The following LRRC53 variants were observed in gnomAD, a reference collection of about 807,000 sequenced individuals.
The protein encoded by LRRC53 is leucine rich repeat containing 53.
LRRC53 carries 25 observed loss-of-function variants against 13.6 expected under a neutral mutation model. The observed-to-expected ratio is 1.83, with a 90% CI of 1.34 to 2.56. The LOEUF (loss-of-function observed/expected upper bound fraction) is 2.56, where lower values mean the gene tolerates loss of function less well. Ranked by LOEUF, LRRC53 falls within the 30% of genes most tolerant of loss-of-function variation. The pLI, the probability that LRRC53 is intolerant of heterozygous loss-of-function variation, is 0.00. For missense variants in LRRC53, 527 were observed against 275.8 expected (o/e 1.91, Z -6.45); for synonymous variants, 204 against 109.8 (o/e 1.86, Z -5.37).
At chr1:74,491,073 GGAATA>G (rs1669047937) in intron 1 of LRRC53, among the ~76,000 whole-genome samples, 1 of 152,084 alleles carries the variant, frequency 6.6e-6, no homozygotes, top group South Asian at 2.1e-4. Flanking sequence ...GCCTTTTAAA[GGAATA>G]ATTAAAACTG....
intron 3 of LRRC53, among the ~76,000 whole-genome samples, chr1:74,476,479 CT>C (rs1557592000): frequency 6.6e-5 from 10 of 152,146 alleles, no homozygotes; most frequent in Admixed American, 5.9e-4. Context: ...TCTGCTACAA[CT>C]GAGCACTGTG....
chr1:74,517,705 G>A, the LRRC53 span, among the ~76,000 whole-genome samples: 1 of 152,156 alleles, frequency 6.6e-6, no homozygotes, highest in Non-Finnish European at 1.5e-5. Flanking sequence ...TAAAGAGTAC[G>A]ACTGGTAAAC....
chr1:74,529,065 A>C, the LRRC53 span, among the ~76,000 whole-genome samples: 1 of 152,234 alleles, frequency 6.6e-6, no homozygotes, highest in Non-Finnish European at 1.5e-5. Flanking sequence ...ATAATATTGT[A>C]ACTATAAGTT....
At chr1:74,473,282 G>A (rs977243935) in intron 4 of LRRC53, among the ~76,000 whole-genome samples, 34 of 151,796 alleles carry the variant, frequency 2.2e-4, no homozygotes, top group African/African-American at 7.0e-4. Flanking sequence ...ATGCTTTCCC[G>A]TAGTCACACA....
Position 74,512,556 on chromosome 1 carries a change from T to A in LRRC53, c.-57A>T, listed in dbSNP as rs1429180779. 6.6e-6 allele frequency: 1 copy of A among 152,218 alleles called. No individual in the cohort carries two copies. The highest frequency in any genetic ancestry group is 2.4e-5 in the African/African-American group (1 of 41,462). The allele number at this position is 152,218 out of a possible 1,614,324, so 9.4% of individuals were successfully genotyped here. On this transcript the variant is annotated 5_prime_UTR_variant, in exon 1 of 5. Coordinates refer to ENST00000294635, the MANE Select transcript of LRRC53 (RefSeq NM_001382280.1). Reference sequence around the variant, plus strand: ...GGTCTCACAGCTTGTAGTTTGTGAATCTCTACATTAAAAGGTGGATGATGA... The same window carrying A: ...GGTCTCACAGCTTGTAGTTTGTGAAACTCTACATTAAAAGGTGGATGATGA...
chr1:74,535,419 G>A, the LRRC53 span, among the ~76,000 whole-genome samples: 8 of 152,084 alleles, frequency 5.3e-5, no homozygotes, highest in Admixed American at 5.2e-4. Flanking sequence ...GCAGTGAGCC[G>A]AGATTGCATC....
At chr1:74,518,718 G>A in the LRRC53 span, among the ~76,000 whole-genome samples, 17 of 151,938 alleles carry the variant, frequency 1.1e-4, no homozygotes, top group Non-Finnish European at 1.9e-4. Flanking sequence ...TTAGTGTTTT[G>A]AACACATATT....
chr1:74,480,556 A>G lies in LRRC53; in HGVS notation c.501T>C (p.Asn167=). The G allele has an allele frequency of 1.4e-6, 1 of 717,394 alleles. No individual in the cohort carries two copies. The highest frequency in any genetic ancestry group is 2.6e-6 in the Non-Finnish European group (1 of 385,090). The allele number at this position is 717,394 out of a possible 1,614,324, so 44.4% of individuals were successfully genotyped here. A position where few individuals can be genotyped will look rare whatever the true frequency, so the allele number is the denominator to read the frequency against. ...CATCTTTCCCAATGTAGGAAATAAAATTGTTGGATAAATCCAGATACCTGA... is the reference window on the plus strand; with the variant it reads ...CATCTTTCCCAATGTAGGAAATAAAGTTGTTGGATAAATCCAGATACCTGA... ...HSLRYLDLSN[N]FISYIGKDAF... Residue 167 remains asparagine (N), a synonymous_variant, in exon 3 of 5, where the codon AAT becomes AAC. Coordinates refer to ENST00000294635, the MANE Select transcript of LRRC53 (RefSeq NM_001382280.1).
At chr1:74,508,690 G>A (rs980390238) in intron 1 of LRRC53, among the ~76,000 whole-genome samples, 11 of 152,264 alleles carry the variant, frequency 7.2e-5, no homozygotes, top group South Asian at 6.2e-4. Context: ...AGCCCAACCC[G>A]GGGCATATGT....
At position 74,485,909 on chromosome 1, in the gene LRRC53, C is replaced by T. The variant is rs1668734489; in HGVS notation, c.-26-2534G>A. Among the ~76,000 whole-genome samples the T allele has an allele frequency of 3.3e-5, 5 of 152,200 alleles. No individual in the cohort carries two copies. In the East Asian group the frequency reaches 9.7e-4, roughly 29 times the overall value. On this transcript the variant is annotated intron_variant, in intron 1 of 4. Coordinates refer to ENST00000294635, the MANE Select transcript of LRRC53 (RefSeq NM_001382280.1). ...AACAACCAATGCGCTTAAAAGAGGC[C>T]TTGAGCCTCAGATGAGAATCACAGT...
intron 1 of LRRC53, among the ~76,000 whole-genome samples, chr1:74,485,590 T>C (rs1668716629): frequency 6.6e-6 from 1 of 152,174 alleles, no homozygotes; most frequent in African/African-American, 2.4e-5. Flanking sequence ...GTGAATATGA[T>C]GAGATATTAC....
At chr1:74,477,747 CA>C (rs1668276951) in intron 3 of LRRC53, among the ~76,000 whole-genome samples, 1 of 152,168 alleles carries the variant, frequency 6.6e-6, no homozygotes, top group Non-Finnish European at 1.5e-5. Flanking sequence ...GTGCAGAAAG[CA>C]AAAGCAGCAA....
At chr1:74,505,134 A>G (rs1669828857) in intron 1 of LRRC53, among the ~76,000 whole-genome samples, 1 of 152,202 alleles carries the variant, frequency 6.6e-6, no homozygotes, top group Non-Finnish European at 1.5e-5. Flanking sequence ...TAAGCACATC[A>G]AAGCACACAG....
At chr1:74,490,727 A>C (rs1201145845) in intron 1 of LRRC53, among the ~76,000 whole-genome samples, 1 of 152,196 alleles carries the variant, frequency 6.6e-6, no homozygotes, top group Non-Finnish European at 1.5e-5. Context: ...CAAGGCCAAG[A>C]GGGAGCTACT....
chr1:74,523,457 T>C, the LRRC53 span, among the ~76,000 whole-genome samples: 1 of 152,118 alleles, frequency 6.6e-6, no homozygotes, highest in African/African-American at 2.4e-5. Flanking sequence ...TTTAATTTTC[T>C]TTTGAAATGC....
intron 4 of LRRC53, among the ~76,000 whole-genome samples, chr1:74,474,816 A>T (rs1668110276): frequency 6.6e-6 from 1 of 152,002 alleles, no homozygotes; most frequent in Non-Finnish European, 1.5e-5. Context: ...CTCAGCAAGC[A>T]AAGTACGTTT....
the LRRC53 span, among the ~76,000 whole-genome samples, chr1:74,520,601 T>A: frequency 1.3e-5 from 2 of 151,858 alleles, no homozygotes; most frequent in African/African-American, 2.4e-5. Context: ...CCAAAATTTT[T>A]GTCTCACAAC....
Position 74,469,806 on chromosome 1 carries a change from G to T in LRRC53, c.*72C>A, listed in dbSNP as rs1667835239. On this transcript the variant is annotated 3_prime_UTR_variant, in exon 5 of 5. Transcript: ENST00000294635. ...TGATCCACTTCTAATGCATGCAAAG[G>T]CTAGTGGGTGTTTGTCCTCTTGAAG... The T allele has an allele frequency of 1.5e-5, 6 of 399,150 alleles. No individual in the cohort carries two copies. The East Asian group carries it at 2.1e-4, about 14-fold the overall frequency. 24.7% of individuals were successfully genotyped at this position (399,150 alleles called of 1,614,324 possible).
the LRRC53 span, among the ~76,000 whole-genome samples, chr1:74,531,117 G>A: frequency 6.6e-6 from 1 of 152,068 alleles, no homozygotes; most frequent in African/African-American, 2.4e-5. Flanking sequence ...TATAGCCTGG[G>A]GACATTTGCC....
Sources: gnomAD v4.1 joint callset for allele counts (sites outside exome capture counted in the v4.1 genomes callset) on GRCh38, gnomAD v4.1.1 for gene constraint, MANE v1.5 for transcripts, NCBI Gene and HGNC (gene_info 2026-07-23, HGNC 2026-07-21) for gene names.